OTOGL: variants seen among roughly 807,000 people sequenced by gnomAD.
OTOGL encodes otogelin like, also known as otogelin-like protein.
OTOGL carries 285 observed loss-of-function variants against 318.5 expected under a neutral mutation model. The ratio of observed to expected loss-of-function variants is 0.89; its 90% confidence interval spans 0.81 to 0.99. The LOEUF is 0.99. OTOGL is among the 50% of genes least tolerant of loss of function. OTOGL has a pLI of 0.00. For missense variants in OTOGL, 2,899 were observed against 2,845.6 expected, an observed-to-expected ratio of 1.02 and a Z score of -0.43; for synonymous variants, 987 against 936.5, an observed-to-expected ratio of 1.05 and a Z score of -0.99.
chr12:80,331,740 C>A (rs1370475885), intron 37 of OTOGL, among the ~76,000 whole-genome samples: 1 of 152,086 alleles, frequency 6.6e-6, no homozygotes, highest in Non-Finnish European at 1.5e-5. Flanking sequence ...AATATATGAC[C>A]TTATATGGCC....
intron 1 of OTOGL, among the ~76,000 whole-genome samples, chr12:80,114,607 C>T (rs531184364): frequency 1.4e-4 from 22 of 152,152 alleles, no homozygotes; most frequent in African/African-American, 4.3e-4. Context: ...TTGCTCTTCT[C>T]GAGGAGTGTC....
At chr12:80,278,146 C>A in intron 24 of OTOGL, 22 bp from the exon 25 acceptor site, 1 of 1,497,776 alleles carries the variant, frequency 6.7e-7, no homozygotes, top group Non-Finnish European at 9.1e-7. Context: ...TACTAAATAG[C>A]ATTTTATTCT....
At chr12:80,187,606 G>A (rs1333639311) in intron 1 of OTOGL, among the ~76,000 whole-genome samples, 1 of 152,140 alleles carries the variant, frequency 6.6e-6, no homozygotes, top group Non-Finnish European at 1.5e-5. Flanking sequence ...TAAGTATAAA[G>A]ACAATGAATA....
intron 27 of OTOGL, among the ~76,000 whole-genome samples, chr12:80,302,211 A>G (rs917063529): frequency 2.0e-5 from 3 of 152,204 alleles, no homozygotes; most frequent in Non-Finnish European, 4.4e-5. Context: ...GCTATCATAA[A>G]CTACTCAGAA....
chr12:80,176,367 T>C (rs1874526566), intron 1 of OTOGL, among the ~76,000 whole-genome samples: 1 of 152,178 alleles, frequency 6.6e-6, no homozygotes, highest in Admixed American at 6.6e-5. Context: ...TCCATATGTT[T>C]CCTTGTGTCT....
chr12:80,193,921 A>T lies in OTOGL; in HGVS notation c.-19-15492A>T, dbSNP rs528281784. ...CATCCGCCTCATTTTACAAAAGAAG[A>T]TGCCAAGACCCAGAGAAGTAGCTGT... On this transcript the variant is annotated intron_variant, in intron 1 of 58. Transcript: ENST00000547103. Among the ~76,000 whole-genome samples the T allele has an allele frequency of 2.0e-5, 3 of 152,368 alleles. 1 individual carries two copies. In the South Asian group the frequency reaches 6.2e-4, roughly 32 times the overall value.
chr12:80,163,952 A>G (rs1873684373), intron 1 of OTOGL, among the ~76,000 whole-genome samples: 1 of 152,162 alleles, frequency 6.6e-6, no homozygotes, highest in Admixed American at 6.6e-5. Flanking sequence ...GCCACAGATA[A>G]AAGGGGAGGC....
chr12:80,118,741 A>G (rs1223828540), intron 1 of OTOGL, among the ~76,000 whole-genome samples: 2 of 152,206 alleles, frequency 1.3e-5, no homozygotes, highest in Admixed American at 1.3e-4. Flanking sequence ...CAGTGAGAAC[A>G]TATTTTGGTA....
chr12:80,267,195 AT>A, intron 21 of OTOGL, 57 bp from the exon 22 acceptor site: 1 of 1,150,034 alleles, frequency 8.7e-7, no homozygotes, highest in Non-Finnish European at 1.2e-6. Flanking sequence ...GTCAGCTTGA[AT>A]TTTAGTGGTT....
chr12:80,321,138 A>G (rs1887305099), intron 34 of OTOGL, among the ~76,000 whole-genome samples: 1 of 152,178 alleles, frequency 6.6e-6, no homozygotes, highest in African/African-American at 2.4e-5. Context: ...TCATTTGAAT[A>G]CAAGGTGTCT....
At chr12:80,309,275 T>C (rs1025550624) in intron 29 of OTOGL, among the ~76,000 whole-genome samples, 1 of 152,072 alleles carries the variant, frequency 6.6e-6, no homozygotes, top group African/African-American at 2.4e-5. Context: ...AGTCGGAACA[T>C]AGTAAGATAG....
chr12:80,369,329 C>G (rs1191521058), intron 55 of OTOGL, among the ~76,000 whole-genome samples: 1 of 152,036 alleles, frequency 6.6e-6, no homozygotes, highest in African/African-American at 2.4e-5. Context: ...GTCTTCATTA[C>G]TGCTGAAAAT....
intron 7 of OTOGL, among the ~76,000 whole-genome samples, chr12:80,223,421 C>T (rs1341931271): frequency 6.6e-6 from 1 of 151,718 alleles, no homozygotes; most frequent in African/African-American, 2.4e-5. Flanking sequence ...TGTATAATGA[C>T]TTCTTTTCTT....
At position 80,229,297 on chromosome 12, in the gene OTOGL, G is replaced by A. The variant is rs765600113; in HGVS notation, c.530G>A (p.Cys177Tyr). The change falls in exon 8 of 59, where the codon TGT becomes TAT. Residue 177 changes from cysteine (C) to tyrosine (Y), a missense_variant. By Grantham distance (194) the Cys-to-Tyr change is radical. Around this residue, in one of 3 missense-constraint regions of OTOGL, gnomAD observed 2,607 missense variants for 2,524.9 expected, o/e 1.03. Coordinates refer to ENST00000547103, the MANE Select transcript of OTOGL (RefSeq NM_001378609.3). ...AAATGCCTTGGTTCGGTGTATTCTT[G>A]TTATCGGTCAATCAGCTTGTTCTTT... ...SPKCLGSVYS[C>Y]YRSISLFFSN... 2.5e-6 allele frequency: 4 copies of A among 1,597,088 alleles called. No homozygotes were observed. The highest frequency in any genetic ancestry group is 2.5e-6 in the Non-Finnish European group (3 of 1,177,770).
intron 9 of OTOGL, among the ~76,000 whole-genome samples, chr12:80,235,491 A>G (rs1879766731): frequency 6.9e-6 from 1 of 144,324 alleles, no homozygotes; most frequent in African/African-American, 2.6e-5. Context: ...AAAAAAAAAG[A>G]AAGACTGCTT....
chr12:80,265,718 C>G (rs925577415), intron 20 of OTOGL: 1 of 161,106 alleles, frequency 6.2e-6, no homozygotes. Context: ...TTACCAGCAC[C>G]CCTCCAGACC....
intron 9 of OTOGL, among the ~76,000 whole-genome samples, chr12:80,235,638 G>C (rs951838002): frequency 1.3e-5 from 2 of 152,062 alleles, no homozygotes; most frequent in African/African-American, 2.4e-5. Flanking sequence ...AGATAACCTG[G>C]AACATAAAAT....
chr12:80,216,513 A>G (rs969419204), intron 4 of OTOGL, among the ~76,000 whole-genome samples: 3 of 152,222 alleles, frequency 2.0e-5, no homozygotes, highest in Non-Finnish European at 2.9e-5. Context: ...ACTTAGCCAT[A>G]TAGATCTTTT....
intron 1 of OTOGL, among the ~76,000 whole-genome samples, chr12:80,111,317 T>G (rs1869824842): frequency 6.6e-6 from 1 of 152,242 alleles, no homozygotes; most frequent in Non-Finnish European, 1.5e-5. Context: ...CATGAAGTCT[T>G]TGCCCATGCC....
Sources: allele counts gnomAD v4.1 joint callset (sites outside exome capture counted in the v4.1 genomes callset), GRCh38; gene constraint gnomAD v4.1.1; regional missense constraint gnomAD v4.1.1; transcripts MANE v1.5; gene names NCBI Gene and HGNC (gene_info 2026-07-23, HGNC 2026-07-21).